Variants in CRISPLD2 observed in about 807,000 individuals in gnomAD.
CRISPLD2 encodes the protein cysteine rich secretory protein LCCL domain containing 2.
Under a neutral mutation model 71.1 loss-of-function variants are expected in CRISPLD2, and 47 were observed. The observed-to-expected ratio is 0.66, with a 90% confidence interval of 0.52 to 0.84. The LOEUF (loss-of-function observed/expected upper bound fraction) is 0.84, where lower values mean the gene tolerates loss of function less well. CRISPLD2 is among the 40% of genes least tolerant of loss of function. CRISPLD2 has a pLI of 0.00. For synonymous variants in CRISPLD2, 317 were observed against 250.1 expected (o/e 1.27, Z -2.52); for missense variants, 830 against 651.1 (o/e 1.27, Z -2.99).
chr16:84,877,569 G>T, intron 12 of CRISPLD2, 59 bp downstream of exon 12: 13 of 1,548,134 alleles, frequency 8.4e-6, no homozygotes, highest in East Asian at 2.3e-5. Context: ...AGCTTTTTAG[G>T]CTGGGTGAGG....
chr16:84,877,068 C>G (rs1371288070), intron 11 of CRISPLD2, among the ~76,000 whole-genome samples: 1 of 152,206 alleles, frequency 6.6e-6, no homozygotes, highest in Non-Finnish European at 1.5e-5. Flanking sequence ...TCTGAGCTCT[C>G]TGAGCTTCCA....
chr16:84,902,331 C>T (rs1029973660), intron 14 of CRISPLD2, among the ~76,000 whole-genome samples: 1 of 151,706 alleles, frequency 6.6e-6, no homozygotes, highest in Non-Finnish European at 1.5e-5. Context: ...ATGAACAGGC[C>T]GGGCGCAGTG....
rs369100828 is a variant in CRISPLD2 at position 84,875,353 on chromosome 16, C to T, written c.1156+1390C>T. ...CCCATGGGCTGCATGTAGCCCAGGA[C>T]GACTCTGAATGTGCCCAACACAAAT... On this transcript the variant is annotated intron_variant, in intron 11 of 14. Coordinates refer to ENST00000262424, the MANE Select transcript of CRISPLD2 (RefSeq NM_031476.4). 2.9e-4 allele frequency among the ~76,000 whole-genome samples: 43 copies of T among 149,350 alleles called. No homozygotes were observed. In the East Asian group the frequency reaches 5.3e-3, roughly 18 times the overall value.
chr16:84,841,176 C>G (rs977848830), intron 2 of CRISPLD2, among the ~76,000 whole-genome samples: 10 of 152,134 alleles, frequency 6.6e-5, no homozygotes, highest in African/African-American at 2.2e-4. Flanking sequence ...TGGAAGAATC[C>G]TGACTGAGAG....
chr16:84,871,338 T>G (rs892636339), intron 8 of CRISPLD2, among the ~76,000 whole-genome samples: 1 of 152,068 alleles, frequency 6.6e-6, no homozygotes, highest in Non-Finnish European at 1.5e-5. Context: ...GGTGGATTGC[T>G]TGAGCCCAGG....
Position 84,832,322 on chromosome 16 carries a change from C to T in CRISPLD2, c.-74-6100C>T, listed in dbSNP as rs528070685. Among the ~76,000 whole-genome samples, 8 of 152,362 alleles carry T rather than the reference C, an allele frequency of 5.3e-5. No individual in the cohort carries two copies. The South Asian group carries it at 1.4e-3, about 28-fold the overall frequency. ...GCTCGGTGCTGTGTCCAAGATGACA[C>T]AGGCTTGGGCAAGGCCAAGGGCCAG... On this transcript the variant is annotated intron_variant, in intron 1 of 14. Coordinates refer to ENST00000262424, the MANE Select transcript of CRISPLD2 (RefSeq NM_031476.4).
At chr16:84,891,367 C>T (rs1305049684) in intron 14 of CRISPLD2, among the ~76,000 whole-genome samples, 2 of 152,210 alleles carry the variant, frequency 1.3e-5, no homozygotes, top group African/African-American at 4.8e-5. Context: ...GCCACAGCAT[C>T]ACTTGTACCC....
rs1917182022 is a variant in CRISPLD2 at position 84,854,605 on chromosome 16, A to G, written c.609-124A>G. ...CCATCTTTCCCGCTTCCCACAGCAC[A>G]CAACCTTCCCCCCTGACCTGTCAGT... On this transcript the variant is annotated intron_variant, in intron 5 of 14. Transcript: ENST00000262424. 1.4e-5 allele frequency: 10 copies of G among 724,298 alleles called. No individual in the cohort carries two copies. In the South Asian group the frequency reaches 1.6e-4, roughly 12 times the overall value. The allele number at this position is 724,298 out of a possible 1,614,324, so 44.9% of individuals were successfully genotyped here.
chr16:84,847,371 G>T (rs1360570535), intron 3 of CRISPLD2, among the ~76,000 whole-genome samples: 2 of 152,188 alleles, frequency 1.3e-5, no homozygotes, highest in Non-Finnish European at 2.9e-5. Context: ...TATCTTACAG[G>T]CTGGGCAAGG....
chr16:84,867,194 G>T (rs1917565953), intron 7 of CRISPLD2, among the ~76,000 whole-genome samples, 154 bp downstream of exon 7: 1 of 152,194 alleles, frequency 6.6e-6, no homozygotes, highest in African/African-American at 2.4e-5. Flanking sequence ...ACAACCATAA[G>T]ACGTTTTTCA....
At chr16:84,883,951 C>T (rs1029384957) in intron 13 of CRISPLD2, among the ~76,000 whole-genome samples, 3 of 150,896 alleles carry the variant, frequency 2.0e-5, no homozygotes, top group Non-Finnish European at 2.9e-5. Flanking sequence ...TCAAGCAATT[C>T]TCCTGTCCCA....
chr16:84,850,418 TATCTTC>T (rs1917052782), intron 4 of CRISPLD2, 144 bp from the exon 5 acceptor site: 6 of 626,110 alleles, frequency 9.6e-6, no homozygotes, highest in African/African-American at 1.8e-5. Flanking sequence ...AAAATGTATG[TATCTTC>T]AATGGGTTAG....
At chr16:84,867,234 C>T (rs774761941) in intron 7 of CRISPLD2, among the ~76,000 whole-genome samples, 194 bp downstream of exon 7, 14 of 152,228 alleles carry the variant, frequency 9.2e-5, no homozygotes, top group East Asian at 1.9e-4. Context: ...ATTTCAAAAG[C>T]GAGCATTATA....
chr16:84,878,420 T>G (rs1052841717), intron 12 of CRISPLD2, among the ~76,000 whole-genome samples: 10 of 140,392 alleles, frequency 7.1e-5, no homozygotes, highest in Non-Finnish European at 1.0e-4. Context: ...TTCAGCAAAA[T>G]TATGGCGCCG....
chr16:84,820,889 C>T (rs531194276), intron 1 of CRISPLD2, among the ~76,000 whole-genome samples: 1 of 151,976 alleles, frequency 6.6e-6, no homozygotes, highest in East Asian at 1.9e-4. Context: ...TGGGGGAGAT[C>T]GGTCGTCCCA....
At chr16:84,868,443 G>A (rs185172309) in intron 7 of CRISPLD2, among the ~76,000 whole-genome samples, 3 of 152,138 alleles carry the variant, frequency 2.0e-5, no homozygotes, top group East Asian at 1.9e-4. Flanking sequence ...CCACAGGCTC[G>A]GAGCAGCATC....
chr16:84,898,686 G>A (rs73255428), intron 14 of CRISPLD2, among the ~76,000 whole-genome samples: 1,871 of 152,270 alleles, frequency 0.012, 42 homozygotes, highest in African/African-American at 0.042. Flanking sequence ...CTTCCTGAAG[G>A]CAAGAGCCTC....
chr16:84,824,716 C>A (rs528867020), intron 1 of CRISPLD2, among the ~76,000 whole-genome samples: 224 of 152,286 alleles, frequency 1.5e-3, no homozygotes, highest in African/African-American at 5.1e-3. Flanking sequence ...TTCACGGCAC[C>A]AGTGATCAGG....
Position 84,844,811 on chromosome 16 carries a change from G to A in CRISPLD2, c.241-975G>A, listed in dbSNP as rs999892124. Among the ~76,000 whole-genome samples, 3 of 152,106 alleles carry A rather than the reference G, an allele frequency of 2.0e-5. No homozygotes were observed. The East Asian group carries it at 5.8e-4, about 29-fold the overall frequency. On this transcript the variant is annotated intron_variant, in intron 2 of 14. Coordinates refer to ENST00000262424, the MANE Select transcript of CRISPLD2 (RefSeq NM_031476.4). ...GCTTTTCTTTGCAGGCCTGTGTGTCGCTGACGTGGATAAAGCCTCCCTGAC... is the reference window on the plus strand; with the variant it reads ...GCTTTTCTTTGCAGGCCTGTGTGTCACTGACGTGGATAAAGCCTCCCTGAC...
Sources: gnomAD v4.1 joint callset for allele counts (sites outside exome capture counted in the v4.1 genomes callset) on GRCh38, gnomAD v4.1.1 for gene constraint, MANE v1.5 for transcripts, NCBI Gene and HGNC (gene_info 2026-07-23, HGNC 2026-07-21) for gene names.